The following CEP43 variants were observed in gnomAD, a reference collection of about 807,000 sequenced individuals.
The protein encoded by CEP43 is FGFR1 oncogene partner.
CEP43 carries 36 observed loss-of-function variants against 52.6 expected under a neutral mutation model. The ratio of observed to expected loss-of-function variants is 0.68; its 90% CI spans 0.52 to 0.90. The LOEUF is 0.90. Ranked by LOEUF, CEP43 falls within the 40% of genes least tolerant of loss-of-function variation. The pLI, the probability that CEP43 is intolerant of heterozygous loss-of-function variation, is 0.00. For synonymous variants in CEP43, 192 were observed against 172.4 expected (o/e 1.11, Z -0.89); for missense variants, 506 against 472.8 (o/e 1.07, Z -0.65).
intron 7 of CEP43, among the ~76,000 whole-genome samples, chr6:167,016,000 A>C (rs766052131): frequency 3.3e-5 from 5 of 152,072 alleles, no homozygotes; most frequent in African/African-American, 4.8e-5. Flanking sequence ...CTGACTTCCA[A>C]AGTATCATCT....
intron 11 of CEP43, 90 bp from the exon 12 acceptor site, chr6:167,033,785 T>C: frequency 1.8e-6 from 1 of 566,294 alleles, no homozygotes; most frequent in African/African-American, 1.9e-5. Context: ...CTTAAAGGAT[T>C]AAAAGAAATA....
chr6:167,048,603 T>C lies in CEP43; in HGVS notation c.*8625T>C, dbSNP rs1299927022. 6.6e-6 allele frequency: 1 copy of C among 152,164 alleles called. No homozygotes were observed. The highest frequency in any genetic ancestry group is 1.5e-5 in the Non-Finnish European group (1 of 68,026). 9.4% of individuals were successfully genotyped at this position (152,164 alleles called of 1,614,324 possible). A position where few individuals can be genotyped will look rare whatever the true frequency, so the allele number is the denominator to read the frequency against. ...TTATATCAAAACAGTGATTCATAAA[T>C]TCCATGTTGCCCAGAGATCATGAGG... On this transcript the variant is annotated 3_prime_UTR_variant, in exon 13 of 13. Transcript: ENST00000366847.
chr6:167,052,574 T>C lies in CEP43; in HGVS notation c.*12596T>C, dbSNP rs1780883992. The C allele has an allele frequency of 6.6e-6, 1 of 152,224 alleles. No individual in the cohort carries two copies. Among genetic ancestry groups the C allele is most frequent in the Non-Finnish European group, 1.5e-5 (1 of 68,050 alleles). 9.4% of individuals were successfully genotyped at this position (152,224 alleles called of 1,614,324 possible). A position where few individuals can be genotyped will look rare whatever the true frequency, so the allele number is the denominator to read the frequency against. ...ATACTGGCGGCAGAACTTCTCGATT[T>C]TGCGGATTTCAAAATGGCTCCACGT... On this transcript the variant is annotated 3_prime_UTR_variant, in exon 13 of 13. Transcript: ENST00000366847.
At chr6:167,026,100 C>G (rs993272112) in intron 9 of CEP43, among the ~76,000 whole-genome samples, 14 of 152,206 alleles carry the variant, frequency 9.2e-5, no homozygotes, top group African/African-American at 3.4e-4. Flanking sequence ...TGCAGTGGCT[C>G]ACGCCTGTAA....
rs117609778 is a variant in CEP43 at position 167,044,875 on chromosome 6, C to T, written c.*4897C>T. The T allele has an allele frequency of 0.015, 2,223 of 152,490 alleles. 39 individuals carry two copies. The highest frequency in any genetic ancestry group is 0.019 in the Non-Finnish European group (1,325 of 68,196). 9.4% of individuals were successfully genotyped at this position (152,490 alleles called of 1,614,324 possible). A position where few individuals can be genotyped will look rare whatever the true frequency, so the allele number is the denominator to read the frequency against. On this transcript the variant is annotated 3_prime_UTR_variant, in exon 13 of 13. Transcript: ENST00000366847. ...AAGGTTTGCCCTCTGCACACCAGAC[C>T]GGCTTCCCAAGAACCGGGGAAGAGG...
At chr6:167,036,439 T>C in intron 12 of CEP43, 1 of 985,198 alleles carries the variant, frequency 1.0e-6, no homozygotes, top group East Asian at 1.1e-4. Context: ...GGGAGGGTAG[T>C]CTCTGCACGG....
Position 167,003,180 on chromosome 6 carries a change from T to C in CEP43, c.157-13T>C, listed in dbSNP as rs1453729605. The C allele has an allele frequency of 1.5e-6, 2 of 1,319,610 alleles. No homozygotes were observed. Among genetic ancestry groups the C allele is most frequent in the South Asian group, 2.7e-5 (2 of 73,828 alleles). 81.7% of individuals were successfully genotyped at this position (1,319,610 alleles called of 1,614,324 possible). On this transcript the variant is annotated splice_polypyrimidine_tract_variant and intron_variant, in intron 2 of 12. Coordinates refer to ENST00000366847, the MANE Select transcript of CEP43 (RefSeq NM_007045.4). ...GTAAACACATGACACTTAAATTTTT[T>C]TTTTTTTAACAGAACAAAACTCCTT...
At chr6:167,000,258 A>C in intron 2 of CEP43, 145 bp downstream of exon 2, 2 of 584,246 alleles carry the variant, frequency 3.4e-6, no homozygotes, top group Non-Finnish European at 5.7e-6. Context: ...ATTGAGAGAG[A>C]GCCAAAATTA....
At chr6:167,015,871 A>T (rs915313531) in intron 7 of CEP43, among the ~76,000 whole-genome samples, 1 of 152,250 alleles carries the variant, frequency 6.6e-6, no homozygotes, top group Non-Finnish European at 1.5e-5. Flanking sequence ...AAGAGACAAT[A>T]AAGATAAAAA....
At chr6:167,036,317 A>G in intron 12 of CEP43, 2 of 985,352 alleles carry the variant, frequency 2.0e-6, no homozygotes, top group Non-Finnish European at 2.4e-6. Context: ...CTGATTCCAG[A>G]GCTTCACTGG....
chr6:167,028,857 C>G (rs886801250), intron 10 of CEP43, among the ~76,000 whole-genome samples: 1 of 152,054 alleles, frequency 6.6e-6, no homozygotes, highest in Non-Finnish European at 1.5e-5. Flanking sequence ...ATTCTGAGTT[C>G]CAAATAAATA....
chr6:167,041,886 C>T lies in CEP43; in HGVS notation c.*1908C>T, dbSNP rs57125324. 2,732 of 824,628 alleles carry T rather than the reference C, an allele frequency of 3.3e-3. 60 individuals are homozygous for T. In the East Asian group the frequency reaches 0.081, roughly 25 times the overall value. The allele number at this position is 824,628 out of a possible 1,614,324, so 51.1% of individuals were successfully genotyped here. A position where few individuals can be genotyped will look rare whatever the true frequency, so the allele number is the denominator to read the frequency against. ...TCACTCAGACTGGAGTACAGTGATG[C>T]GATCTCGGCTCACTGCAACCTCCGC... is the stretch of plus-strand genomic sequence containing the variant. On this transcript the variant is annotated 3_prime_UTR_variant, in exon 13 of 13. Coordinates refer to ENST00000366847, the MANE Select transcript of CEP43 (RefSeq NM_007045.4).
At chr6:167,008,763 C>T (rs899439643) in intron 5 of CEP43, among the ~76,000 whole-genome samples, 8 of 152,060 alleles carry the variant, frequency 5.3e-5, no homozygotes, top group Non-Finnish European at 1.0e-4. Context: ...TGTGAACCAC[C>T]GTGCCCAGCT....
At chr6:167,022,837 A>G (rs971237736) in intron 8 of CEP43, among the ~76,000 whole-genome samples, 1 of 152,152 alleles carries the variant, frequency 6.6e-6, no homozygotes, top group African/African-American at 2.4e-5. Context: ...TCCAACAAGT[A>G]AGTGTAGATT....
intron 7 of CEP43, among the ~76,000 whole-genome samples, chr6:167,014,184 A>G (rs1780044407): frequency 6.6e-6 from 1 of 152,198 alleles, no homozygotes; most frequent in African/African-American, 2.4e-5. Context: ...TTTTTATTTG[A>G]GGAAAATAGA....
chr6:167,033,858 TC>T lies in CEP43; in HGVS notation c.1029-13del. On this transcript the variant is annotated splice_polypyrimidine_tract_variant and intron_variant, in intron 11 of 12. Transcript: ENST00000366847. Reference sequence around the variant, plus strand: ...TATTTTCAGAGTTCTTATTTTTTTTTCCCCTTCTGAAATTAGTACCAGCCAT... The same window carrying T: ...TATTTTCAGAGTTCTTATTTTTTTTTCCCTTCTGAAATTAGTACCAGCCAT... 1 of 1,297,104 alleles carries T rather than the reference TC, an allele frequency of 7.7e-7. No individual in the cohort carries two copies. 80.3% of individuals were successfully genotyped at this position (1,297,104 alleles called of 1,614,324 possible). A position where few individuals can be genotyped will look rare whatever the true frequency, so the allele number is the denominator to read the frequency against.
chr6:166,999,496 G>T lies in CEP43; in HGVS notation c.84G>T (p.Gly28=). ...DLLVQTLENS[G]VLNRIKAELR... ...TGGTGCAGACGCTGGAGAACAGCGG[G>T]GTCCTGAACCGCATCAAGGTGAGGC... The change falls in exon 1 of 13, where the codon GGG becomes GGT. Residue 28 remains glycine (G), a synonymous_variant. Transcript: ENST00000366847. 1 of 1,463,882 alleles carries T rather than the reference G, an allele frequency of 6.8e-7. No individual in the cohort carries two copies. The highest frequency in any genetic ancestry group is 9.1e-7 in the Non-Finnish European group (1 of 1,103,432). The allele number at this position is 1,463,882 out of a possible 1,614,324, so 90.7% of individuals were successfully genotyped here. A position where few individuals can be genotyped will look rare whatever the true frequency, so the allele number is the denominator to read the frequency against.
Position 167,022,578 on chromosome 6 carries a change from T to C in CEP43, c.749T>C (p.Met250Thr). 6.2e-7 allele frequency: 1 copy of C among 1,614,178 alleles called. No homozygotes were observed. The highest frequency in any genetic ancestry group is 1.3e-5 in the African/African-American group (1 of 75,062). ...GGCCTTTGTCCAGATGAAGATGATA[T>C]GGAAGGAGATTCTTTCTTTGATGAT... ...KAGLCPDEDD[M>T]EGDSFFDDPI... is the part of the protein sequence containing the mutation. The change falls in exon 8 of 13, where the codon ATG (methionine) becomes ACG (threonine). Residue 250 changes from methionine to threonine, a missense_variant. Physicochemically the swap from Met to Thr is moderately conservative, Grantham distance 81. Coordinates refer to ENST00000366847, the MANE Select transcript of CEP43 (RefSeq NM_007045.4).
chr6:167,002,373 C>T (rs1328774841), intron 2 of CEP43, among the ~76,000 whole-genome samples: 1 of 152,106 alleles, frequency 6.6e-6, no homozygotes, highest in Non-Finnish European at 1.5e-5. Context: ...TAGCCATTAC[C>T]TGCTGACAGA....
Sources: gnomAD v4.1 joint callset for allele counts (sites outside exome capture counted in the v4.1 genomes callset) on GRCh38, gnomAD v4.1.1 for gene constraint, MANE v1.5 for transcripts, NCBI Gene and HGNC (gene_info 2026-07-23, HGNC 2026-07-21) for gene names.